The following C12orf50 variants were observed in gnomAD, a reference collection of about 807,000 sequenced individuals.
C12orf50 encodes the protein uncharacterized protein C12orf50.
Under a neutral mutation model 61.6 loss-of-function variants are expected in C12orf50, and 35 were observed. The ratio of observed to expected loss-of-function variants is 0.57; its 90% confidence interval spans 0.43 to 0.75. The LOEUF is 0.75. C12orf50 is among the 30% of genes least tolerant of loss of function. C12orf50 has a pLI of 0.00. For missense variants in C12orf50, 475 were observed against 488.5 expected (o/e 0.97, Z 0.26); for synonymous variants, 178 against 161.5 (o/e 1.10, Z -0.77).
chr12:88,011,257 G>A (rs2136464680), intron 3 of C12orf50, among the ~76,000 whole-genome samples: 1 of 152,132 alleles, frequency 6.6e-6, no homozygotes, highest in Admixed American at 6.5e-5. Context: ...AACTTAGTGT[G>A]AGTGAGGATG....
intron 3 of C12orf50, among the ~76,000 whole-genome samples, chr12:88,014,720 G>A (rs975330546): frequency 1.3e-5 from 2 of 152,132 alleles, no homozygotes; most frequent in Non-Finnish European, 2.9e-5. Flanking sequence ...CTGTAAAATC[G>A]GGAGATTAAC....
intron 3 of C12orf50, among the ~76,000 whole-genome samples, chr12:88,023,838 C>G (rs1400347940): frequency 6.6e-6 from 1 of 151,922 alleles, no homozygotes. Flanking sequence ...AAGAAACTAC[C>G]AACAGAGTAA....
At chr12:87,980,499 T>G in intron 12 of C12orf50, 143 bp from the exon 13 acceptor site, 1 of 733,238 alleles carries the variant, frequency 1.4e-6, no homozygotes, top group Non-Finnish European at 2.2e-6. Flanking sequence ...ATTTTCAAAA[T>G]GCCATTCAAA....
At chr12:87,981,639 T>C (rs893572047) in intron 12 of C12orf50, among the ~76,000 whole-genome samples, 2 of 152,086 alleles carry the variant, frequency 1.3e-5, no homozygotes, top group African/African-American at 4.8e-5. Flanking sequence ...CACCCCAATA[T>C]GGCTCAACAA....
intron 3 of C12orf50, among the ~76,000 whole-genome samples, chr12:88,008,848 G>C (rs1284198819): frequency 1.3e-5 from 2 of 152,070 alleles, no homozygotes; most frequent in Non-Finnish European, 2.9e-5. Context: ...TCACTACCAA[G>C]TATGCATCCC....
chr12:88,022,165 C>T (rs2032540522), intron 3 of C12orf50, among the ~76,000 whole-genome samples: 1 of 151,262 alleles, frequency 6.6e-6, no homozygotes, highest in Admixed American at 6.6e-5. Context: ...TATGCCATAT[C>T]CTTGGGATGC....
chr12:87,998,073 G>C lies in C12orf50; in HGVS notation c.251C>G (p.Thr84Ser), dbSNP rs939923720. 13 of 1,611,274 alleles carry C rather than the reference G, an allele frequency of 8.1e-6. No homozygotes were observed. Among genetic ancestry groups the C allele is most frequent in the Non-Finnish European group, 9.3e-6 (11 of 1,178,660 alleles). Residue 84 changes from threonine to serine, a missense_variant, in exon 4 of 13, where the codon ACT becomes AGT. Coordinates refer to ENST00000298699, the MANE Select transcript of C12orf50 (RefSeq NM_152589.3). The part of the protein sequence containing the change: ...RPIHHPLVLK[T>S]NFEEEEEVDE... ...TACTTCCTCTTCTTCCTCAAAATTA[G>C]TTTTTAAAACTAAAGGATGGTGGAT... is the stretch of plus-strand genomic sequence containing the variant.
Position 87,993,747 on chromosome 12 carries a change from T to C in C12orf50, c.592+886A>G, listed in dbSNP as rs546246798. On this transcript the variant is annotated intron_variant, in intron 7 of 12. Transcript: ENST00000298699. The stretch of plus-strand genomic sequence containing the variant: ...CACACCTTTCAACCTCCCCACAAAA[T>C]CTCTATATATTTTCAAAACAAACGC... Among the ~76,000 whole-genome samples, 4 of 152,250 alleles carry C rather than the reference T, an allele frequency of 2.6e-5. No homozygotes were observed. In the East Asian group the frequency reaches 7.7e-4, roughly 29 times the overall value.
chr12:87,989,400 A>T, intron 7 of C12orf50, 29 bp from the exon 8 acceptor site: 1 of 1,493,796 alleles, frequency 6.7e-7, no homozygotes, highest in Non-Finnish European at 9.3e-7. Flanking sequence ...GTCAGTGGCA[A>T]CAATGGCAGA....
At chr12:88,013,601 T>C (rs1451816299) in intron 3 of C12orf50, among the ~76,000 whole-genome samples, 1 of 151,888 alleles carries the variant, frequency 6.6e-6, no homozygotes, top group African/African-American at 2.4e-5. Flanking sequence ...AAAACAAAAA[T>C]AAAGAAATGT....
intron 3 of C12orf50, among the ~76,000 whole-genome samples, chr12:88,022,398 A>G (rs904088509): frequency 1.3e-5 from 2 of 152,184 alleles, no homozygotes; most frequent in Admixed American, 1.3e-4. Context: ...CCTACATCAG[A>G]CTGAATAAGC....
At chr12:87,995,024 T>C (rs188212951) in intron 6 of C12orf50, among the ~76,000 whole-genome samples, 13 of 152,308 alleles carry the variant, frequency 8.5e-5, no homozygotes, top group Admixed American at 7.8e-4. Context: ...ATATCTAGTT[T>C]GATATGTTTC....
intron 1 of C12orf50, 163 bp downstream of exon 1, chr12:88,029,177 A>G: frequency 1.9e-6 from 2 of 1,068,178 alleles, no homozygotes; most frequent in Non-Finnish European, 2.5e-6. Context: ...ATATATATGA[A>G]TTTCAGGAAT....
Position 87,998,060 on chromosome 12 carries a change from T to C in C12orf50, c.264A>G (p.Glu88=), listed in dbSNP as rs750802704. 3.7e-6 allele frequency: 6 copies of C among 1,611,428 alleles called. No homozygotes were observed. The South Asian group carries it at 5.5e-5, about 15-fold the overall frequency. The change falls in exon 4 of 13, where the codon GAA becomes GAG. Residue 88 remains glutamate (E), a synonymous_variant. Coordinates refer to ENST00000298699, the MANE Select transcript of C12orf50 (RefSeq NM_152589.3). ...HPLVLKTNFE[E]EEEVDEQNDA... ...CATTTTGTTCATCTACTTCCTCTTC[T>C]TCCTCAAAATTAGTTTTTAAAACTA...
At chr12:87,981,512 C>G (rs1207240363) in intron 12 of C12orf50, among the ~76,000 whole-genome samples, 2 of 152,156 alleles carry the variant, frequency 1.3e-5, no homozygotes, top group East Asian at 3.9e-4. Context: ...GATGTCATTG[C>G]AGCTAGTCCT....
At chr12:87,997,790 T>A (rs2031476736) in intron 4 of C12orf50, among the ~76,000 whole-genome samples, 1 of 152,178 alleles carries the variant, frequency 6.6e-6, no homozygotes, top group Admixed American at 6.5e-5. Flanking sequence ...ATGAAGCACC[T>A]AAATATACTT....
intron 12 of C12orf50, among the ~76,000 whole-genome samples, chr12:87,982,756 T>C (rs57314675): frequency 0.045 from 6,834 of 152,064 alleles, 348 homozygotes; most frequent in African/African-American, 0.13. Context: ...CTTTAATGTC[T>C]TGTGTTAAAA....
chr12:88,015,628 A>G (rs983372368), intron 3 of C12orf50, among the ~76,000 whole-genome samples: 19 of 152,216 alleles, frequency 1.2e-4, no homozygotes, highest in Admixed American at 4.6e-4. Flanking sequence ...AGTGCATACC[A>G]TAGGAGAAAG....
At chr12:88,024,101 G>A (rs2032616759) in intron 3 of C12orf50, among the ~76,000 whole-genome samples, 3 of 152,050 alleles carry the variant, frequency 2.0e-5, no homozygotes, top group African/African-American at 2.4e-5. Context: ...CAATAAGAAT[G>A]GCTATTTATT....
Sources: allele counts gnomAD v4.1 joint callset (sites outside exome capture counted in the v4.1 genomes callset), GRCh38; gene constraint gnomAD v4.1.1; transcripts MANE v1.5; gene names NCBI Gene and HGNC (gene_info 2026-07-23, HGNC 2026-07-21).